The following PAQR3 variants were observed in gnomAD, a reference collection of about 807,000 sequenced individuals.
PAQR3 encodes the protein progestin and adipoQ receptor family member 3, also known as Raf kinase trapping to Golgi.
Under a neutral mutation model 41.7 loss-of-function variants are expected in PAQR3, and 39 were observed. The observed-to-expected ratio is 0.93, with a 90% CI of 0.72 to 1.22. The LOEUF (loss-of-function observed/expected upper bound fraction) is 1.22. Ranked by LOEUF, PAQR3 falls within the 50% of genes most tolerant of loss-of-function variation. The pLI is 0.00. For missense variants in PAQR3, 366 were observed against 385.6 expected (o/e 0.95, Z 0.42); for synonymous variants, 140 against 140.6 (o/e 1.00, Z 0.03).
At position 78,917,984 on chromosome 4, in the gene PAQR3, G is replaced by C. The variant is rs1472196034; in HGVS notation, c.*2555C>G. The C allele has an allele frequency of 1.0e-6, 1 of 983,670 alleles. No individual in the cohort carries two copies. The highest frequency in any genetic ancestry group is 1.2e-6 in the Non-Finnish European group (1 of 828,160). 60.9% of individuals were successfully genotyped at this position (983,670 alleles called of 1,614,324 possible). On this transcript the variant is annotated 3_prime_UTR_variant, in exon 6 of 6. Transcript: ENST00000512733. ...ATTTACATAATACATATTTTGTCATGCAGCTTACTGAATTGCAGTTAGTGT... is the reference window on the plus strand; with the variant it reads ...ATTTACATAATACATATTTTGTCATCCAGCTTACTGAATTGCAGTTAGTGT...
intron 11 of PAQR3, among the ~76,000 whole-genome samples, chr4:78,902,839 A>C (rs1434523871): frequency 1.3e-5 from 2 of 152,068 alleles, no homozygotes; most frequent in Non-Finnish European, 2.9e-5. Flanking sequence ...ATATTTTCTA[A>C]ATATTTTGAA....
At chr4:78,921,477 A>C (rs1168364072) in intron 5 of PAQR3, 1 of 161,514 alleles carries the variant, frequency 6.2e-6, no homozygotes, top group African/African-American at 2.4e-5. Context: ...AGTGTATATC[A>C]ATAAGATTCT....
intron 11 of PAQR3, among the ~76,000 whole-genome samples, chr4:78,900,639 C>G (rs1011963155): frequency 6.6e-6 from 1 of 152,150 alleles, no homozygotes; most frequent in African/African-American, 2.4e-5. Flanking sequence ...AATGATCTTT[C>G]TGATTTATTT....
downstream of PAQR3, among the ~76,000 whole-genome samples, chr4:78,910,285 T>C (rs1734516370): frequency 6.6e-6 from 1 of 152,208 alleles, no homozygotes; most frequent in Non-Finnish European, 1.5e-5. Flanking sequence ...CAGAATAATG[T>C]TATTTTGGTG....
At chr4:78,930,671 T>C (rs1039435991) in intron 2 of PAQR3, 46 of 159,856 alleles carry the variant, frequency 2.9e-4, no homozygotes, top group Admixed American at 1.4e-3. Context: ...GAGGCTTGTT[T>C]TGATCCATGA....
At position 78,916,797 on chromosome 4, in the gene PAQR3, T is replaced by TATC. The variant is rs558063148; in HGVS notation, c.*3739_*3741dup. 23 of 152,066 alleles carry TATC rather than the reference T, an allele frequency of 1.5e-4. No individual in the cohort carries two copies. Among genetic ancestry groups the TATC allele is most frequent in the African/African-American group, 5.3e-4 (22 of 41,542 alleles). The allele number at this position is 152,066 out of a possible 1,614,324, so 9.4% of individuals were successfully genotyped here. ...TAAATAACATTGTAATCCTCAATTA[T>TATC]ATCAGAAAAGAGGCTATGACACATT... On this transcript the variant is annotated 3_prime_UTR_variant, in exon 6 of 6. Transcript: ENST00000512733.
intron 2 of PAQR3, among the ~76,000 whole-genome samples, chr4:78,934,064 C>G (rs1252148074): frequency 2.0e-5 from 3 of 151,916 alleles, no homozygotes; most frequent in Non-Finnish European, 4.4e-5. Context: ...TGGCTGTAAT[C>G]AGGGCAAAAA....
chr4:78,925,986 C>T (rs1439283227), intron 4 of PAQR3, among the ~76,000 whole-genome samples: 1 of 152,098 alleles, frequency 6.6e-6, no homozygotes, highest in East Asian at 1.9e-4. Context: ...TCCCTGGCTC[C>T]AGCTACCAAT....
chr4:78,917,675 T>A lies in PAQR3; in HGVS notation c.*2864A>T, dbSNP rs756858630. ...TGATTTACAGTGGACAGGGACCTAA[T>A]GCAGCAAAGCAACCAGCAGGAATTC... On this transcript the variant is annotated 3_prime_UTR_variant, in exon 6 of 6. Coordinates refer to ENST00000512733, the MANE Select transcript of PAQR3 (RefSeq NM_001040202.2). The A allele has an allele frequency of 1.7e-4, 64 of 378,552 alleles. No individual in the cohort carries two copies. Among genetic ancestry groups the A allele is most frequent in the Non-Finnish European group, 2.2e-4 (61 of 275,884 alleles). The allele number at this position is 378,552 out of a possible 1,614,324, so 23.4% of individuals were successfully genotyped here.
At chr4:78,898,269 T>C (rs928496862) in intron 11 of PAQR3, among the ~76,000 whole-genome samples, 4 of 152,054 alleles carry the variant, frequency 2.6e-5, no homozygotes, top group Non-Finnish European at 5.9e-5. Flanking sequence ...GAGTTTAGGA[T>C]TGGGAAACAT....
At chr4:78,922,683 G>GTC in intron 5 of PAQR3, 1 of 359,520 alleles carries the variant, frequency 2.8e-6, no homozygotes, top group Middle Eastern at 7.8e-4. Flanking sequence ...TTGGTTACAT[G>GTC]ATATGTGCAT....
At position 78,914,850 on chromosome 4, in the gene PAQR3, GA is replaced by G. The variant is rs2110117417; in HGVS notation, c.*5688del. The G allele has an allele frequency of 6.6e-6, 1 of 151,692 alleles. No homozygotes were observed. The highest frequency in any genetic ancestry group is 1.5e-5 in the Non-Finnish European group (1 of 67,836). 9.4% of individuals were successfully genotyped at this position (151,692 alleles called of 1,614,324 possible). ...ATCACTAAGAGAAGTAAATTATTAT[GA>G]AGCTAGCAAAAATCTTGAGGCCAAA... On this transcript the variant is annotated 3_prime_UTR_variant, in exon 6 of 6. Transcript: ENST00000512733.
At chr4:78,903,961 A>G (rs1314753264) in intron 11 of PAQR3, among the ~76,000 whole-genome samples, 1 of 151,990 alleles carries the variant, frequency 6.6e-6, no homozygotes, top group Non-Finnish European at 1.5e-5. Context: ...GCTTTGATAT[A>G]TAGTCTTAAA....
chr4:78,922,155 G>A, intron 5 of PAQR3: 1 of 1,030,694 alleles, frequency 9.7e-7, no homozygotes, highest in Non-Finnish European at 1.2e-6. Flanking sequence ...ATTGTTTTCT[G>A]TAATTCTGGC....
chr4:78,931,214 T>TAAAAAAAAAA (rs1736860220), intron 2 of PAQR3, among the ~76,000 whole-genome samples: 1 of 114,750 alleles, frequency 8.7e-6, no homozygotes, highest in African/African-American at 3.1e-5. Context: ...AAAAAAAAAT[T>TAAAAAAAAAA]GGGCATGGCG....
In PAQR3 at chr4:78,916,701, C is replaced by T. The variant is rs1267137592; in HGVS notation, c.*3838G>A. 2.0e-5 allele frequency: 3 copies of T among 151,806 alleles called. No individual in the cohort carries two copies. The highest frequency in any genetic ancestry group is 4.4e-5 in the Non-Finnish European group (3 of 67,818). The allele number at this position is 151,806 out of a possible 1,614,324, so 9.4% of individuals were successfully genotyped here. A position where few individuals can be genotyped will look rare whatever the true frequency, so the allele number is the denominator to read the frequency against. On this transcript the variant is annotated 3_prime_UTR_variant, in exon 6 of 6. Transcript: ENST00000512733. ...TTCTGAATAACTTATTTTACAGCTT[C>T]CACATTATAAATTTTTAAAAATCTT...
At chr4:78,932,782 AG>A (rs1455972069) in intron 2 of PAQR3, among the ~76,000 whole-genome samples, 3 of 152,200 alleles carry the variant, frequency 2.0e-5, no homozygotes, top group African/African-American at 7.2e-5. Context: ...AGAAAACCCC[AG>A]ATTTTAAAGT....
Position 78,918,775 on chromosome 4 carries a change from TTAAGTG to T in PAQR3, c.*1758_*1763del. Reference sequence around the variant, plus strand: ...TAATGATTTTCCCCTCATTTTTAACTTAAGTGTAACTACTCAGTGTCTTTTGTTTGG... The same window carrying T: ...TAATGATTTTCCCCTCATTTTTAACTTAACTACTCAGTGTCTTTTGTTTGG... On this transcript the variant is annotated 3_prime_UTR_variant, in exon 6 of 6. Coordinates refer to ENST00000512733, the MANE Select transcript of PAQR3 (RefSeq NM_001040202.2). 3.0e-6 allele frequency: 3 copies of T among 984,294 alleles called. No individual in the cohort carries two copies. Among genetic ancestry groups the T allele is most frequent in the Non-Finnish European group, 3.6e-6 (3 of 829,002 alleles). 61.0% of individuals were successfully genotyped at this position (984,294 alleles called of 1,614,324 possible).
Position 78,918,941 on chromosome 4 carries a change from T to C in PAQR3, c.*1598A>G. The C allele has an allele frequency of 1.0e-6, 1 of 985,066 alleles. No homozygotes were observed. Among genetic ancestry groups the C allele is most frequent in the Non-Finnish European group, 1.2e-6 (1 of 829,744 alleles). The allele number at this position is 985,066 out of a possible 1,614,324, so 61.0% of individuals were successfully genotyped here. On this transcript the variant is annotated 3_prime_UTR_variant, in exon 6 of 6. Transcript: ENST00000512733. ...AACATATGGATCAAAATTTTAACCT[T>C]ATAAGGTAAAACAGCCATTTTCAAA...
Sources: gnomAD v4.1 joint callset for allele counts (sites outside exome capture counted in the v4.1 genomes callset) on GRCh38, gnomAD v4.1.1 for gene constraint, MANE v1.5 for transcripts, NCBI Gene and HGNC (gene_info 2026-07-23, HGNC 2026-07-21) for gene names.